Variants in SORCS1 observed in about 807,000 individuals in gnomAD.
The protein encoded by SORCS1 is sortilin related VPS10 domain containing receptor 1, also known as VPS10 domain-containing receptor SorCS1.
SORCS1 carries 60 observed loss-of-function variants against 146.1 expected under a neutral mutation model. That is an observed-to-expected ratio of 0.41 (90% CI 0.33 to 0.51). The LOEUF (loss-of-function observed/expected upper bound fraction) is 0.51. Among genes scored for constraint, SORCS1 ranks in the 20% least tolerant of loss-of-function variants. SORCS1 has a pLI of 0.21. For missense variants in SORCS1, 1,352 were observed against 1,487.6 expected (o/e 0.91, Z 1.50); for synonymous variants, 637 against 584.0 (o/e 1.09, Z -1.31).
At chr10:107,174,717 A>G in the SORCS1 span, among the ~76,000 whole-genome samples, 1 of 152,102 alleles carries the variant, frequency 6.6e-6, no homozygotes, top group Non-Finnish European at 1.5e-5. Flanking sequence ...ACTTAAGGAT[A>G]TGTGCATATT....
At chr10:106,831,168 G>A (rs1158750657) in intron 2 of SORCS1, among the ~76,000 whole-genome samples, 2 of 152,010 alleles carry the variant, frequency 1.3e-5, no homozygotes, top group Non-Finnish European at 2.9e-5. Flanking sequence ...ACTCCAGCCT[G>A]GGCGGAGTCT....
rs767125406 is a variant in SORCS1, at chr10:106,688,225, C to T, written c.1527G>A (p.Thr509=). 14 of 1,613,862 alleles carry T rather than the reference C, an allele frequency of 8.7e-6. No individual in the cohort carries two copies. Among genetic ancestry groups the T allele is most frequent in the Non-Finnish European group, 1.1e-5 (13 of 1,179,912 alleles). Residue 509 remains threonine, a synonymous_variant, in exon 10 of 26, where the codon ACG becomes ACA. Transcript: ENST00000263054. ...RDWRLLQAPD[T]DLRGDPVHCL... ...AGTGCACGGGGTCCCCCCTTAGATCCGTGTCCGGCGCCTGCAGCAAACGCC... is the reference window on the plus strand; with the variant it reads ...AGTGCACGGGGTCCCCCCTTAGATCTGTGTCCGGCGCCTGCAGCAAACGCC...
At chr10:107,119,768 C>T (rs918603350) in intron 1 of SORCS1, among the ~76,000 whole-genome samples, 1 of 152,092 alleles carries the variant, frequency 6.6e-6, no homozygotes, top group African/African-American at 2.4e-5. Context: ...GGGTATTTTT[C>T]ATATTTTCTG....
At chr10:106,962,890 A>C (rs1246033396) in intron 1 of SORCS1, among the ~76,000 whole-genome samples, 2 of 152,130 alleles carry the variant, frequency 1.3e-5, no homozygotes, top group African/African-American at 4.8e-5. Flanking sequence ...CCACCATCTT[A>C]CAGCAGGCCT....
chr10:106,738,026 T>A (rs1857087060), intron 5 of SORCS1, among the ~76,000 whole-genome samples: 2 of 152,212 alleles, frequency 1.3e-5, no homozygotes, highest in Admixed American at 1.3e-4. Flanking sequence ...CTCTAACTAT[T>A]TTATTGCAAC....
intron 1 of SORCS1, among the ~76,000 whole-genome samples, chr10:106,980,672 C>A (rs1324345216): frequency 2.6e-5 from 4 of 152,222 alleles, no homozygotes; most frequent in African/African-American, 9.6e-5. Context: ...TAAATAGCAT[C>A]CAGTGCTCCT....
At chr10:106,730,168 G>T in intron 5 of SORCS1, 54 bp from the exon 6 acceptor site, 1 of 1,569,610 alleles carries the variant, frequency 6.4e-7, no homozygotes, top group Non-Finnish European at 8.8e-7. Context: ...CTTCACATGT[G>T]CCTTAGTGGA....
intron 1 of SORCS1, among the ~76,000 whole-genome samples, chr10:107,081,217 A>G (rs1963309581): frequency 6.6e-6 from 1 of 152,202 alleles, no homozygotes; most frequent in African/African-American, 2.4e-5. Context: ...AACTCAATGG[A>G]TAATGGTAAA....
At chr10:106,943,729 G>A (rs1389943657) in intron 2 of SORCS1, among the ~76,000 whole-genome samples, 1 of 151,990 alleles carries the variant, frequency 6.6e-6, no homozygotes, top group Non-Finnish European at 1.5e-5. Context: ...AGAATGGCGT[G>A]AACCCGGGAG....
intron 2 of SORCS1, among the ~76,000 whole-genome samples, chr10:106,937,256 G>A (rs189462156): frequency 2.0e-4 from 30 of 150,150 alleles, no homozygotes; most frequent in Admixed American, 4.7e-4. Context: ...TGCACCCTCC[G>A]CCTCCCAGGT....
chr10:106,987,548 G>A (rs946068014), intron 1 of SORCS1, among the ~76,000 whole-genome samples: 3 of 152,142 alleles, frequency 2.0e-5, no homozygotes, highest in East Asian at 1.9e-4. Flanking sequence ...TCTTCTTGGC[G>A]CATAGCCACC....
chr10:106,910,126 G>A (rs900451855), intron 2 of SORCS1, among the ~76,000 whole-genome samples: 2 of 152,040 alleles, frequency 1.3e-5, no homozygotes, highest in African/African-American at 2.4e-5. Context: ...ACTAATATCC[G>A]ATTTTGCTCT....
chr10:106,801,813 A>G (rs1946914625), intron 3 of SORCS1, among the ~76,000 whole-genome samples: 1 of 152,176 alleles, frequency 6.6e-6, no homozygotes. Flanking sequence ...TACAGGCGTG[A>G]GCCACCGTGC....
intron 1 of SORCS1, among the ~76,000 whole-genome samples, chr10:107,022,322 G>A (rs1419860278): frequency 6.6e-6 from 1 of 152,168 alleles, no homozygotes; most frequent in African/African-American, 2.4e-5. Flanking sequence ...CCGGAGTCCA[G>A]ACCAATCTTA....
intron 1 of SORCS1, among the ~76,000 whole-genome samples, chr10:106,958,233 C>T (rs1291157028): frequency 1.3e-5 from 2 of 152,180 alleles, no homozygotes; most frequent in Non-Finnish European, 2.9e-5. Flanking sequence ...AGTTTTCTGT[C>T]GAAGTTCGTA....
At chr10:107,136,213 A>G (rs1950440894) in intron 1 of SORCS1, among the ~76,000 whole-genome samples, 1 of 152,218 alleles carries the variant, frequency 6.6e-6, no homozygotes, top group South Asian at 2.1e-4. Context: ...AAAACTTAGG[A>G]GGACGTTTTT....
At chr10:106,982,157 A>G (rs1033582570) in intron 1 of SORCS1, among the ~76,000 whole-genome samples, 13 of 152,202 alleles carry the variant, frequency 8.5e-5, no homozygotes, top group Admixed American at 2.6e-4. Flanking sequence ...GAAAAGGTTG[A>G]ATTAGATCCT....
In SORCS1 at chr10:106,679,406, C is replaced by T. The variant is rs2135552239; in HGVS notation, c.1664-74G>A. ...ACAATGGACTATATTGGCAGGTGCACTGCCTGAGAAAGATTTTGACTGCAA... is the reference window on the plus strand; with the variant it reads ...ACAATGGACTATATTGGCAGGTGCATTGCCTGAGAAAGATTTTGACTGCAA... On this transcript the variant is annotated intron_variant, in intron 11 of 25. Transcript: ENST00000263054. 4.8e-6 allele frequency: 6 copies of T among 1,260,480 alleles called. No individual in the cohort carries two copies. The South Asian group carries it at 5.1e-5, about 11-fold the overall frequency. 78.1% of individuals were successfully genotyped at this position (1,260,480 alleles called of 1,614,324 possible).
intron 13 of SORCS1, among the ~76,000 whole-genome samples, chr10:106,676,206 C>T (rs906281647): frequency 6.6e-6 from 1 of 152,152 alleles, no homozygotes; most frequent in African/African-American, 2.4e-5. Context: ...TGATTTTGGA[C>T]AAACTCATAT....
Sources: allele counts gnomAD v4.1 joint callset (sites outside exome capture counted in the v4.1 genomes callset), GRCh38; gene constraint gnomAD v4.1.1; transcripts MANE v1.5; gene names NCBI Gene and HGNC (gene_info 2026-07-23, HGNC 2026-07-21).